SORCS2: variants seen among roughly 807,000 people sequenced by gnomAD.
The protein encoded by SORCS2 is VPS10 domain-containing receptor SorCS2.
A neutral mutation model predicts 141.6 loss-of-function variants in SORCS2; 100 were observed. The ratio of observed to expected loss-of-function variants is 0.71; its 90% CI spans 0.60 to 0.83. The LOEUF is 0.83. Among genes scored for constraint, SORCS2 ranks in the 40% least tolerant of loss-of-function variants. The pLI is 0.00. For synonymous variants in SORCS2, 789 were observed against 676.9 expected (o/e 1.17, Z -2.57); for missense variants, 1,646 against 1,560.2 (o/e 1.05, Z -0.93).
chr4:7,611,614 C>T (rs1718410349), intron 3 of SORCS2, among the ~76,000 whole-genome samples: 1 of 152,214 alleles, frequency 6.6e-6, no homozygotes, highest in Admixed American at 6.5e-5. Context: ...TTGTCCACTG[C>T]CCAATATGTC....
At chr4:7,448,692 C>G in intron 2 of SORCS2, among the ~76,000 whole-genome samples, 1 of 140,114 alleles carries the variant, frequency 7.1e-6, no homozygotes, top group Non-Finnish European at 1.6e-5. Context: ...CTTCCTTCCT[C>G]TCTCTGCCTT....
intron 19 of SORCS2, among the ~76,000 whole-genome samples, chr4:7,724,869 T>TG (rs1727054859): frequency 7.0e-6 from 1 of 143,494 alleles, no homozygotes; most frequent in African/African-American, 2.8e-5. Context: ...ATGGTGGTGG[T>TG]AGTGGTGATG....
chr4:7,566,331 T>C lies in SORCS2; in HGVS notation c.648+34702T>C, dbSNP rs141066788. On this transcript the variant is annotated intron_variant, in intron 3 of 26. Coordinates refer to ENST00000507866, the MANE Select transcript of SORCS2 (RefSeq NM_020777.3). ...ATGATGGTGATAATGGTGATGGTGA[T>C]GATGTGATGATGAGGTGATGATGAT... 6.3e-3 allele frequency among the ~76,000 whole-genome samples: 959 copies of C among 152,100 alleles called. 10 individuals are homozygous for C. The highest frequency in any genetic ancestry group is 0.021 in the African/African-American group (881 of 41,474).
intron 2 of SORCS2, among the ~76,000 whole-genome samples, chr4:7,454,552 C>G (rs1350177972): frequency 9.3e-6 from 1 of 107,704 alleles, no homozygotes; most frequent in Non-Finnish European, 1.8e-5. Context: ...TGGGGTCAGG[C>G]ACTGTGTTGG....
intron 3 of SORCS2, among the ~76,000 whole-genome samples, chr4:7,536,932 C>T (rs1218485626): frequency 2.0e-5 from 3 of 152,014 alleles, no homozygotes; most frequent in Non-Finnish European, 2.9e-5. Context: ...GGAGAGTCTT[C>T]CAAGGTCACC....
At position 7,664,423 on chromosome 4, in the gene SORCS2, C is replaced by T. The variant is rs758212298; in HGVS notation, c.1023C>T (p.Pro341=). The change falls in exon 7 of 27, where the codon CCC becomes CCT. Residue 341 remains proline (P), a synonymous_variant. Coordinates refer to ENST00000507866, the MANE Select transcript of SORCS2 (RefSeq NM_020777.3). The surrounding 1 kb of genome is among the most constrained non-coding windows in gnomAD (Gnocchi z 4.7). ...EKMLTAPFAG[P]IDHGSLTVQD... is the part of the protein sequence containing the mutation. ...TGCTGACAGCCCCATTCGCAGGCCCCATTGACCACGGGTCTCTGACCGTGC... is the reference window on the plus strand; with the variant it reads ...TGCTGACAGCCCCATTCGCAGGCCCTATTGACCACGGGTCTCTGACCGTGC... 8 of 1,613,944 alleles carry T rather than the reference C, an allele frequency of 5.0e-6. No individual in the cohort carries two copies. In the Admixed American group the frequency reaches 8.3e-5, roughly 17 times the overall value.
intron 23 of SORCS2, among the ~76,000 whole-genome samples, chr4:7,730,441 C>T (rs957372781): frequency 3.3e-5 from 5 of 152,222 alleles, no homozygotes; most frequent in Non-Finnish European, 5.9e-5. Flanking sequence ...CAAAAACATA[C>T]ATCCACAGTA....
intron 12 of SORCS2, among the ~76,000 whole-genome samples, chr4:7,697,599 G>A (rs900605383): frequency 6.6e-6 from 1 of 152,230 alleles, no homozygotes; most frequent in Admixed American, 6.5e-5. Flanking sequence ...GGGGATAAAT[G>A]CCAGGGAACA....
intron 9 of SORCS2, among the ~76,000 whole-genome samples, chr4:7,680,576 T>G (rs1276374697): frequency 1.3e-5 from 2 of 152,256 alleles, no homozygotes; most frequent in Non-Finnish European, 2.9e-5. Flanking sequence ...TGATGAAGCT[T>G]CTTCTGCAGA....
intron 1 of SORCS2, among the ~76,000 whole-genome samples, chr4:7,255,772 C>T (rs999457185): frequency 6.6e-6 from 1 of 152,130 alleles, no homozygotes; most frequent in Admixed American, 6.5e-5. Flanking sequence ...CCAGGGCATG[C>T]CCTGGGCAGA....
intron 1 of SORCS2, among the ~76,000 whole-genome samples, chr4:7,280,413 C>T (rs1413086074): frequency 6.6e-6 from 1 of 152,160 alleles, no homozygotes; most frequent in Non-Finnish European, 1.5e-5. Context: ...TTAACATTTC[C>T]AGAATTTGTG....
At chr4:7,729,779 C>G in intron 23 of SORCS2, 67 bp downstream of exon 23, 2 of 1,554,874 alleles carry the variant, frequency 1.3e-6, no homozygotes, top group Non-Finnish European at 1.7e-6. Context: ...TCATTTACAA[C>G]AAGCAGGGAC....
chr4:7,533,603 C>T (rs1711848174), intron 3 of SORCS2, among the ~76,000 whole-genome samples: 1 of 152,216 alleles, frequency 6.6e-6, no homozygotes, highest in South Asian at 2.1e-4. Context: ...GTGATGGTAC[C>T]TCCAGGGTCA....
At chr4:7,359,953 GTAA>G (rs1396686004) in intron 1 of SORCS2, among the ~76,000 whole-genome samples, 2 of 152,196 alleles carry the variant, frequency 1.3e-5, no homozygotes, top group Non-Finnish European at 2.9e-5. Flanking sequence ...GAACCCAACA[GTAA>G]TAATAATCAC....
At chr4:7,423,955 C>G (rs1274891251) in intron 2 of SORCS2, among the ~76,000 whole-genome samples, 3 of 152,222 alleles carry the variant, frequency 2.0e-5, no homozygotes, top group Non-Finnish European at 4.4e-5. Context: ...ACACTCCTTG[C>G]TCCTCAGCAA....
intron 2 of SORCS2, among the ~76,000 whole-genome samples, chr4:7,407,661 C>T (rs4689115): frequency 0.39 from 58,719 of 151,898 alleles, 12,154 homozygotes; most frequent in East Asian, 0.5. Flanking sequence ...ATTGGAAAAT[C>T]GAGGTCACTT....
intron 2 of SORCS2, among the ~76,000 whole-genome samples, chr4:7,488,223 T>A (rs1731112004): frequency 1.3e-5 from 2 of 152,210 alleles, no homozygotes; most frequent in Admixed American, 1.3e-4. Flanking sequence ...GTCAAGTCCT[T>A]CAGTTCTGCT....
chr4:7,738,490 G>A (rs1181880257), intron 26 of SORCS2, among the ~76,000 whole-genome samples: 1 of 152,194 alleles, frequency 6.6e-6, no homozygotes, highest in Non-Finnish European at 1.5e-5. Flanking sequence ...TACAGTTCCT[G>A]TTCTCTCTTA....
intron 12 of SORCS2, 43 bp from the exon 13 acceptor site, chr4:7,703,237 C>T: frequency 1.3e-6 from 2 of 1,527,276 alleles, no homozygotes; most frequent in Non-Finnish European, 1.8e-6. Flanking sequence ...CAACCTCCGA[C>T]CTTCTCAGGC....
Sources: allele counts gnomAD v4.1 joint callset (sites outside exome capture counted in the v4.1 genomes callset), GRCh38; gene constraint gnomAD v4.1.1; non-coding constraint Gnocchi (gnomAD v3.1); transcripts MANE v1.5; gene names NCBI Gene and HGNC (gene_info 2026-07-23, HGNC 2026-07-21).